LRRTM4: variants seen among roughly 807,000 people sequenced by gnomAD.
LRRTM4 encodes the protein leucine rich repeat transmembrane neuronal 4, also known as leucine-rich repeat transmembrane neuronal protein 4.
LRRTM4 carries 25 observed loss-of-function variants against 47.6 expected under a neutral mutation model. That is an observed-to-expected ratio of 0.53 (90% CI 0.38 to 0.73). The LOEUF (loss-of-function observed/expected upper bound fraction) is 0.73. Ranked by LOEUF, LRRTM4 falls within the 30% of genes least tolerant of loss-of-function variation. LRRTM4 has a pLI of 0.00. For missense variants in LRRTM4, 638 were observed against 713.4 expected (o/e 0.89, Z 1.20); for synonymous variants, 311 against 269.5 (o/e 1.15, Z -1.51).
chr2:76,861,422 G>A (rs570229660), intron 3 of LRRTM4, among the ~76,000 whole-genome samples: 4 of 151,896 alleles, frequency 2.6e-5, no homozygotes, highest in South Asian at 2.1e-4. Context: ...CCTCCAAGAC[G>A]AATGGAATTG....
At chr2:77,515,672 T>A (rs1225434310) in intron 3 of LRRTM4, among the ~76,000 whole-genome samples, 2 of 151,824 alleles carry the variant, frequency 1.3e-5, no homozygotes, top group Non-Finnish European at 2.9e-5. Context: ...AAACTAGTGA[T>A]ATATGAGACT....
At chr2:77,151,829 A>AT (rs869146138) in intron 3 of LRRTM4, among the ~76,000 whole-genome samples, 1 of 152,078 alleles carries the variant, frequency 6.6e-6, no homozygotes, top group Non-Finnish European at 1.5e-5. Context: ...CAGATCAAAC[A>AT]TTTTTTTAAA....
chr2:76,894,870 A>G (rs540329738), intron 3 of LRRTM4, among the ~76,000 whole-genome samples: 44 of 151,744 alleles, frequency 2.9e-4, no homozygotes, highest in African/African-American at 1.1e-3. Context: ...GCACATTGTT[A>G]TTTACAATGT....
chr2:76,801,665 AAAAAAAAAAGAAAAG>A (rs1675692639), intron 3 of LRRTM4, among the ~76,000 whole-genome samples: 8 of 145,778 alleles, frequency 5.5e-5, no homozygotes, highest in African/African-American at 2.1e-4. Flanking sequence ...AAAGTATAAT[AAAAAAAAAAGAAAAG>A]TACAGGTTAA....
chr2:77,426,831 GCACA>G (rs70956630), intron 3 of LRRTM4, among the ~76,000 whole-genome samples: 1 of 147,270 alleles, frequency 6.8e-6, no homozygotes, highest in Non-Finnish European at 1.5e-5. Context: ...ACACACACAT[GCACA>G]CACACACACA....
intron 3 of LRRTM4, among the ~76,000 whole-genome samples, chr2:77,204,799 G>A (rs914785376): frequency 6.6e-6 from 1 of 152,086 alleles, no homozygotes; most frequent in African/African-American, 2.4e-5. Context: ...AGATAGGAAG[G>A]GCTCGATAAA....
intron 3 of LRRTM4, among the ~76,000 whole-genome samples, chr2:77,481,182 C>T (rs574463244): frequency 1.3e-5 from 2 of 152,230 alleles, no homozygotes; most frequent in Admixed American, 1.3e-4. Context: ...AAACTTTTTT[C>T]TAACATAAAC....
At chr2:76,751,988 C>A (rs1023931856) in intron 3 of LRRTM4, among the ~76,000 whole-genome samples, 4 of 152,130 alleles carry the variant, frequency 2.6e-5, no homozygotes, top group Admixed American at 6.5e-5. Context: ...TACACTTTAA[C>A]TTAAATACAT....
At chr2:77,056,585 G>C (rs1679617043) in intron 3 of LRRTM4, among the ~76,000 whole-genome samples, 1 of 152,162 alleles carries the variant, frequency 6.6e-6, no homozygotes, top group East Asian at 1.9e-4. Context: ...TGAAAAGACT[G>C]TCATAAAAAT....
chr2:76,997,207 A>C (rs1419407049), intron 3 of LRRTM4, among the ~76,000 whole-genome samples: 1 of 152,166 alleles, frequency 6.6e-6, no homozygotes, highest in Non-Finnish European at 1.5e-5. Context: ...AAATATTTAT[A>C]TCTCTTTGAC....
chr2:76,870,994 T>A (rs1247151868), intron 3 of LRRTM4, among the ~76,000 whole-genome samples: 2 of 152,212 alleles, frequency 1.3e-5, no homozygotes, highest in Admixed American at 6.5e-5. Context: ...TACTCCTGAC[T>A]ATGCTTACAG....
intron 3 of LRRTM4, among the ~76,000 whole-genome samples, chr2:76,903,294 T>G (rs1673706197): frequency 6.6e-6 from 1 of 152,110 alleles, no homozygotes; most frequent in Non-Finnish European, 1.5e-5. Context: ...CCCAGCACTT[T>G]GGGAGGCTGA....
chr2:77,003,969 T>C (rs190465273), intron 3 of LRRTM4, among the ~76,000 whole-genome samples: 3 of 152,308 alleles, frequency 2.0e-5, no homozygotes, highest in East Asian at 3.9e-4. Context: ...ACTCTTCCTA[T>C]GCAAAGAAAC....
At chr2:76,777,489 G>A (rs1417354197) in intron 3 of LRRTM4, among the ~76,000 whole-genome samples, 1 of 139,144 alleles carries the variant, frequency 7.2e-6, no homozygotes, top group Non-Finnish European at 1.5e-5. Flanking sequence ...CTTGTAAGTT[G>A]GATTCCTAGG....
intron 3 of LRRTM4, among the ~76,000 whole-genome samples, chr2:76,910,726 C>T (rs1674024025): frequency 6.6e-6 from 1 of 152,138 alleles, no homozygotes; most frequent in Non-Finnish European, 1.5e-5. Flanking sequence ...CATTCAGAAA[C>T]ACTCTGTTAT....
chr2:76,792,816 G>A (rs1675046204), intron 3 of LRRTM4, among the ~76,000 whole-genome samples: 1 of 152,044 alleles, frequency 6.6e-6, no homozygotes, highest in African/African-American at 2.4e-5. Context: ...GTTACTTCCT[G>A]CACTGTGGCT....
intron 3 of LRRTM4, among the ~76,000 whole-genome samples, chr2:77,127,883 G>A (rs1227263428): frequency 2.6e-5 from 4 of 152,144 alleles, no homozygotes; most frequent in Admixed American, 2.0e-4. Context: ...AGTGGCTCAC[G>A]CCTGTAATCC....
chr2:77,037,258 C>G (rs1489402350), intron 3 of LRRTM4, among the ~76,000 whole-genome samples: 1 of 151,718 alleles, frequency 6.6e-6, no homozygotes, highest in Non-Finnish European at 1.5e-5. Flanking sequence ...ATTAAATCAT[C>G]CAATTAAAAG....
intron 3 of LRRTM4, among the ~76,000 whole-genome samples, chr2:77,127,401 A>T (rs1671676505): frequency 1.3e-5 from 2 of 152,230 alleles, no homozygotes; most frequent in South Asian, 4.1e-4. Flanking sequence ...ATGAATCAAT[A>T]AACTAGTAAA....
Sources: gnomAD v4.1 joint callset for allele counts (sites outside exome capture counted in the v4.1 genomes callset) on GRCh38, gnomAD v4.1.1 for gene constraint, MANE v1.5 for transcripts, NCBI Gene and HGNC (gene_info 2026-07-23, HGNC 2026-07-21) for gene names.